GPR4: variants seen among roughly 807,000 people sequenced by gnomAD.
GPR4 encodes G protein-coupled receptor 4.
A neutral mutation model predicts 17.8 loss-of-function variants in GPR4; 11 were observed. That is an observed-to-expected ratio of 0.62 (90% CI 0.39 to 1.02). The LOEUF is 1.02. Ranked by LOEUF, GPR4 falls within the 50% of genes least tolerant of loss-of-function variation. The pLI, the probability that GPR4 is intolerant of heterozygous loss-of-function variation, is 0.00. For missense variants in GPR4, 364 were observed against 495.4 expected, an observed-to-expected ratio of 0.73 and a Z score of 2.52; for synonymous variants, 219 against 222.8, an observed-to-expected ratio of 0.98 and a Z score of 0.15.
Position 45,591,714 on chromosome 19 carries a change from C to T in GPR4, c.153G>A (p.Glu51=), listed in dbSNP as rs1969998161. 6.2e-7 allele frequency: 1 copy of T among 1,614,070 alleles called. No individual in the cohort carries two copies. ...TGAGGTTCATCAGGTAGACGCCCAG[C>T]TCGTTGCGCTGTTGCACCTGGCGGT... ...AAYRQVQQRN[E]LGVYLMNLSI... is the part of the protein sequence containing the mutation. Residue 51 remains glutamate (E), a synonymous_variant, in exon 2 of 2, where the codon GAG becomes GAA. Transcript: ENST00000323040. The surrounding 1 kb of genome is among the most constrained non-coding windows in gnomAD (Gnocchi z 7.6).
rs1318777456 is a variant in GPR4 at position 45,591,508 on chromosome 19, G to A, written c.359C>T (p.Ala120Val). 3 of 1,611,398 alleles carry A rather than the reference G, an allele frequency of 1.9e-6. No individual in the cohort carries two copies. The Admixed American group carries it at 5.0e-5, about 27-fold the overall frequency. ...CAGGCGGGCGAAGCGGAGTGGGTGG[G>A]CCACAGCCAGGTAGCGGTCCACCGA... is the stretch of plus-strand genomic sequence containing the variant. ...CISVDRYLAV[A>V]HPLRFARLRR... Residue 120 changes from alanine (A) to valine (V), a missense_variant, in exon 2 of 2, where the codon GCC (alanine) becomes GTC (valine). By Grantham distance (64) the Ala-to-Val change is moderately conservative. Coordinates refer to ENST00000323040, the MANE Select transcript of GPR4 (RefSeq NM_005282.3). This position sits in a 1 kb window ranked among gnomAD's most constrained non-coding sequence, Gnocchi z 7.6.
At position 45,591,808 on chromosome 19, in the gene GPR4, G is replaced by A. The variant is rs1297732910; in HGVS notation, c.59C>T (p.Pro20Leu). Residue 20 changes from proline (P) to leucine (L), a missense_variant, in exon 2 of 2, where the codon CCG becomes CTG. Transcript: ENST00000323040. The surrounding 1 kb of genome is among the most constrained non-coding windows in gnomAD (Gnocchi z 7.6). Reference sequence around the variant, plus strand: ...GATGACAAAGATGTAGAGGGATGGCGGAAAGAGGTGGTCCACGCGCGAGTC... The same window carrying A: ...GATGACAAAGATGTAGAGGGATGGCAGAAAGAGGTGGTCCACGCGCGAGTC... Reference protein sequence around the residue: ...HVDSRVDHLFPPSLYIFVIGV... With the variant: ...HVDSRVDHLFLPSLYIFVIGV... The A allele has an allele frequency of 4.4e-6, 7 of 1,605,646 alleles. No individual in the cohort carries two copies. Among genetic ancestry groups the A allele is most frequent in the Non-Finnish European group, 6.0e-6 (7 of 1,174,620 alleles).
At position 45,591,468 on chromosome 19, in the gene GPR4, G is replaced by T. The variant is rs374796278; in HGVS notation, c.399C>A (p.Thr133=). ...AGACCACGGAGCTCACGGCCACGGC[G>T]GTCTTGACGCGGCGCAGGCGGGCGA... The part of the protein sequence containing the change: ...LRFARLRRVK[T]AVAVSSVVWA... The change falls in exon 2 of 2, where the codon ACC becomes ACA. Residue 133 remains threonine, a synonymous_variant. Transcript: ENST00000323040. This position sits in a 1 kb window ranked among gnomAD's most constrained non-coding sequence, Gnocchi z 7.6. The T allele has an allele frequency of 3.1e-6, 5 of 1,609,750 alleles. No individual in the cohort carries two copies. The African/African-American group carries it at 6.7e-5, about 22-fold the overall frequency.
At chr19:45,601,513 G>A (rs565917306) in intron 1 of GPR4, among the ~76,000 whole-genome samples, 22 of 152,202 alleles carry the variant, frequency 1.4e-4, no homozygotes, top group Admixed American at 3.9e-4. Flanking sequence ...CAAGCCTCCT[G>A]CCCCCTACCC....
At chr19:45,599,321 C>T (rs1191468184) in intron 1 of GPR4, among the ~76,000 whole-genome samples, 1 of 152,038 alleles carries the variant, frequency 6.6e-6, no homozygotes, top group African/African-American at 2.4e-5. Context: ...GCTACAGCCC[C>T]CCGCATCCCC....
chr19:45,597,830 G>C (rs1013417179), intron 1 of GPR4, among the ~76,000 whole-genome samples: 2 of 152,124 alleles, frequency 1.3e-5, no homozygotes, highest in African/African-American at 4.8e-5. Context: ...AGATCTATCC[G>C]CTTCTTAATT....
chr19:45,594,259 T>C (rs1427061999), intron 1 of GPR4, among the ~76,000 whole-genome samples: 1 of 147,998 alleles, frequency 6.8e-6, no homozygotes, highest in Non-Finnish European at 1.5e-5. Context: ...CTGTCTCTAC[T>C]AAAAATACAA....
intron 1 of GPR4, among the ~76,000 whole-genome samples, chr19:45,599,427 C>A (rs1467174745): frequency 2.8e-5 from 4 of 140,856 alleles, no homozygotes; most frequent in Admixed American, 1.4e-4. Context: ...GCTCCCACCA[C>A]CCCCCCCTCC....
chr19:45,591,922 A>G lies in GPR4; in HGVS notation c.-56T>C. ...CCTGGCCCACGGGGGCTGTGGGGCC[A>G]CAGGGAGCGGGAGGCCATGGGGCCC... is the stretch of plus-strand genomic sequence containing the variant. On this transcript the variant is annotated 5_prime_UTR_variant, in exon 2 of 2. Coordinates refer to ENST00000323040, the MANE Select transcript of GPR4 (RefSeq NM_005282.3). The surrounding 1 kb of genome is among the most constrained non-coding windows in gnomAD (Gnocchi z 7.6). The G allele has an allele frequency of 6.6e-7, 1 of 1,517,778 alleles. No individual in the cohort carries two copies. Among genetic ancestry groups the G allele is most frequent in the Middle Eastern group, 2.2e-4 (1 of 4,466 alleles). The allele number at this position is 1,517,778 out of a possible 1,614,324, so 94.0% of individuals were successfully genotyped here.
chr19:45,591,093 G>T lies in GPR4; in HGVS notation c.774C>A (p.Cys258Ter). 1 of 1,613,840 alleles carries T rather than the reference G, an allele frequency of 6.2e-7. No individual in the cohort carries two copies. The highest frequency in any genetic ancestry group is 8.5e-7 in the Non-Finnish European group (1 of 1,180,010). The change falls in exon 2 of 2, where the codon TGC becomes TGA. Residue 258 changes from cysteine (C) to a stop codon, truncating the protein, a stop_gained. Coordinates refer to ENST00000323040, the MANE Select transcript of GPR4 (RefSeq NM_005282.3). LOFTEE classifies it high-confidence loss of function. This position sits in a 1 kb window ranked among gnomAD's most constrained non-coding sequence, Gnocchi z 7.6. ...SAIYLGRPWD[C>*]GFEERVFSAY... ...CAGAAAAGACGCGCTCCTCGAAGCC[G>T]CAGTCCCAGGGGCGGCCCAGGTAGA... is the stretch of plus-strand genomic sequence containing the variant.
At chr19:45,599,194 A>T (rs1970087857) in intron 1 of GPR4, among the ~76,000 whole-genome samples, 1 of 152,104 alleles carries the variant, frequency 6.6e-6, no homozygotes, top group African/African-American at 2.4e-5. Context: ...GACAGGAAAG[A>T]CTAGGAAGAC....
In GPR4 at chr19:45,591,606, G is replaced by A. The variant is rs1248598896; in HGVS notation, c.261C>T (p.Pro87=). Residue 87 remains proline, a synonymous_variant, in exon 2 of 2, where the codon CCC becomes CCT. Transcript: ENST00000323040. This position sits in a 1 kb window ranked among gnomAD's most constrained non-coding sequence, Gnocchi z 7.6. Reference sequence around the variant, plus strand: ...TGAACCCAAAGAGCTTGCAGGACCCGGGGCCGTGGATCCAGTTGTCGTGGT... The same window carrying A: ...TGAACCCAAAGAGCTTGCAGGACCCAGGGCCGTGGATCCAGTTGTCGTGGT... The part of the protein sequence containing the change: ...FLHHDNWIHG[P]GSCKLFGFIF... 2.5e-6 allele frequency: 4 copies of A among 1,613,986 alleles called. No individual in the cohort carries two copies. Among genetic ancestry groups the A allele is most frequent in the Non-Finnish European group, 3.4e-6 (4 of 1,180,012 alleles).
intron 1 of GPR4, 83 bp from the exon 2 acceptor site, chr19:45,592,780 A>T (rs971772194): frequency 6.1e-6 from 1 of 162,904 alleles, no homozygotes; most frequent in Non-Finnish European, 1.5e-5. Flanking sequence ...AATTGCTGTG[A>T]ACTGCAGAGA....
chr19:45,598,536 C>T (rs1389248235), intron 1 of GPR4, among the ~76,000 whole-genome samples: 1 of 152,078 alleles, frequency 6.6e-6, no homozygotes, highest in Non-Finnish European at 1.5e-5. Flanking sequence ...AACCTGCTGG[C>T]ATCTTGCGGA....
chr19:45,596,284 C>T (rs1360546912), intron 1 of GPR4, among the ~76,000 whole-genome samples: 1 of 150,866 alleles, frequency 6.6e-6, no homozygotes, highest in Non-Finnish European at 1.5e-5. Flanking sequence ...TGGCTCACCA[C>T]AACCTCTACC....
chr19:45,590,981 C>G lies in GPR4; in HGVS notation c.886G>C (p.Asp296His), dbSNP rs1247061369. The G allele has an allele frequency of 6.2e-6, 10 of 1,613,942 alleles. 1 individual carries two copies. In the Middle Eastern group the frequency reaches 6.6e-4, roughly 106 times the overall value. The change falls in exon 2 of 2, where the codon GAT (aspartate) becomes CAT (histidine). Residue 296 changes from aspartate to histidine, a missense_variant. Coordinates refer to ENST00000323040, the MANE Select transcript of GPR4 (RefSeq NM_005282.3). ...AGGTTGTGCAGGGCCTTGGCCACAT[C>G]GCTGCGGGCGCCCTCGTTGACCAGG... is the stretch of plus-strand genomic sequence containing the variant. ...YCLVNEGARS[D>H]VAKALHNLLR... is the part of the protein sequence containing the mutation.
At chr19:45,595,451 G>A (rs1970049087) in intron 1 of GPR4, among the ~76,000 whole-genome samples, 1 of 152,056 alleles carries the variant, frequency 6.6e-6, no homozygotes, top group South Asian at 2.1e-4. Context: ...CAGGGAGCAT[G>A]GGGAAGCCCT....
rs191195294 is a variant in GPR4 at position 45,591,991 on chromosome 19, T to G, written c.-125A>C. 344 of 1,054,040 alleles carry G rather than the reference T, an allele frequency of 3.3e-4. 3 individuals are homozygous for G. In the African/African-American group the frequency reaches 4.9e-3, roughly 15 times the overall value. 65.3% of individuals were successfully genotyped at this position (1,054,040 alleles called of 1,614,324 possible). On this transcript the variant is annotated 5_prime_UTR_variant, in exon 2 of 2. Transcript: ENST00000323040. This position sits in a 1 kb window ranked among gnomAD's most constrained non-coding sequence, Gnocchi z 7.6. ...AGGCTCAGGGGAACATGGTGGGATGTGGTCTACAGGGAAGAGATGAGGTTG... is the reference window on the plus strand; with the variant it reads ...AGGCTCAGGGGAACATGGTGGGATGGGGTCTACAGGGAAGAGATGAGGTTG...
chr19:45,601,481 A>G (rs930220611), intron 1 of GPR4, among the ~76,000 whole-genome samples: 2 of 152,064 alleles, frequency 1.3e-5, no homozygotes, highest in Admixed American at 1.3e-4. Context: ...GGTGTCACTT[A>G]GAGTCCGCCT....
Sources: gnomAD v4.1 joint callset for allele counts (sites outside exome capture counted in the v4.1 genomes callset) on GRCh38, gnomAD v4.1.1 for gene constraint, Gnocchi (gnomAD v3.1) non-coding constraint, MANE v1.5 for transcripts, NCBI Gene and HGNC (gene_info 2026-07-23, HGNC 2026-07-21) for gene names.